The following SBNO2 variants were observed in gnomAD, a reference collection of about 807,000 sequenced individuals.
SBNO2 encodes the protein protein strawberry notch homolog 2.
A neutral mutation model predicts 146.3 loss-of-function variants in SBNO2; 89 were observed. The ratio of observed to expected loss-of-function variants is 0.61; its 90% CI spans 0.51 to 0.73. SBNO2 has a LOEUF of 0.73. Among genes scored for constraint, SBNO2 ranks in the 30% least tolerant of loss-of-function variants. SBNO2 has a pLI of 0.00. For missense variants in SBNO2, 2,092 were observed against 2,003.7 expected, an observed-to-expected ratio of 1.04 and a Z score of -0.84; for synonymous variants, 1,147 against 892.6, an observed-to-expected ratio of 1.29 and a Z score of -5.08.
At chr19:1,116,731 G>T in intron 16 of SBNO2, 98 bp downstream of exon 16, 1 of 1,087,424 alleles carries the variant, frequency 9.2e-7, no homozygotes, top group Non-Finnish European at 1.3e-6. Flanking sequence ...ACCTCCTGCT[G>T]CTGGGGCCAA....
chr19:1,123,735 G>A, intron 6 of SBNO2, 96 bp from the exon 7 acceptor site: 1 of 1,282,058 alleles, frequency 7.8e-7, no homozygotes, highest in Non-Finnish European at 1.1e-6. Flanking sequence ...ACCATGGGCA[G>A]CTGAGTGACC....
intron 1 of SBNO2, among the ~76,000 whole-genome samples, chr19:1,165,762 C>T (rs1470692167): frequency 6.6e-5 from 8 of 122,012 alleles, no homozygotes; most frequent in South Asian, 3.0e-4. Flanking sequence ...AGACCCCAGA[C>T]CCCAGATCTC....
intron 17 of SBNO2, 167 bp downstream of exon 17, chr19:1,115,854 G>A (rs553208785): frequency 3.1e-4 from 208 of 677,104 alleles, no homozygotes; most frequent in Non-Finnish European, 3.5e-5. Flanking sequence ...CAGGGTCCAC[G>A]CAAGACCTGC....
chr19:1,163,811 G>C (rs1165491459), intron 1 of SBNO2, among the ~76,000 whole-genome samples: 1 of 152,198 alleles, frequency 6.6e-6, no homozygotes, highest in Non-Finnish European at 1.5e-5. Flanking sequence ...GGCCCGGCAG[G>C]AGGGCAGGAG....
At chr19:1,171,749 C>T (rs771672148) in intron 1 of SBNO2, among the ~76,000 whole-genome samples, 23 of 150,608 alleles carry the variant, frequency 1.5e-4, no homozygotes, top group Non-Finnish European at 2.5e-4. Context: ...TGGGGGAGGC[C>T]TTAGGCAGCA....
rs945853025 is a variant in SBNO2 at position 1,109,403 on chromosome 19, G to A, written c.3237C>T (p.Ser1079=). 1.3e-6 allele frequency: 2 copies of A among 1,568,726 alleles called. No individual in the cohort carries two copies. Among genetic ancestry groups the A allele is most frequent in the Admixed American group, 3.8e-5 (2 of 52,926 alleles). Residue 1079 remains serine (S), a synonymous_variant, in exon 29 of 32, where the codon AGC becomes AGT. Transcript: ENST00000361757. This position sits in a 1 kb window ranked among gnomAD's most constrained non-coding sequence, Gnocchi z 4.2. ...LSYKVRGNKP[S]CLLAEQNRGQ... is the part of the protein sequence containing the mutation. ...CGCGGTTCTGCTCCGCCAGCAGGCA[G>A]CTGGGCTTGTTACCGCGGACCTGCG...
At chr19:1,151,275 C>A (rs2080239900) in intron 2 of SBNO2, among the ~76,000 whole-genome samples, 1 of 152,184 alleles carries the variant, frequency 6.6e-6, no homozygotes, top group Admixed American at 6.5e-5. Context: ...AGGGCCACGG[C>A]CAGGGAACTG....
At position 1,157,950 on chromosome 19, in the gene SBNO2, TCCGCCTC is replaced by T; in HGVS notation, c.-126-3555_-126-3549del. Among the ~76,000 whole-genome samples, 1 of 149,996 alleles carries T rather than the reference TCCGCCTC, an allele frequency of 6.7e-6. No individual in the cohort carries two copies. Among genetic ancestry groups the T allele is most frequent in the Middle Eastern group, 3.5e-3 (1 of 288 alleles). ...GCTCTCTCCTGAGTCCGGATAACTG[TCCGCCTC>T]CCAGCTCTCTCCTGAGTCCGGATAA... On this transcript the variant is annotated intron_variant, in intron 1 of 31. Transcript: ENST00000361757. The surrounding 1 kb of genome is among the most constrained non-coding windows in gnomAD (Gnocchi z 6.8).
At position 1,112,136 on chromosome 19, in the gene SBNO2, G is replaced by A; in HGVS notation, c.2628+53C>T. 6.2e-7 allele frequency: 1 copy of A among 1,600,944 alleles called. No homozygotes were observed. Among genetic ancestry groups the A allele is most frequent in the East Asian group, 2.2e-5 (1 of 44,466 alleles). On this transcript the variant is annotated intron_variant, in intron 22 of 31. Coordinates refer to ENST00000361757, the MANE Select transcript of SBNO2 (RefSeq NM_014963.3). This position sits in a 1 kb window ranked among gnomAD's most constrained non-coding sequence, Gnocchi z 5.9. ...GCCTCTAGCACCCCACAAAGCTTTG[G>A]AGAGCCTTCCTGGGCCTGTCCCTGG...
At chr19:1,125,975 CAG>C (rs1394049332) in intron 5 of SBNO2, among the ~76,000 whole-genome samples, 2 of 152,180 alleles carry the variant, frequency 1.3e-5, no homozygotes, top group African/African-American at 4.8e-5. Context: ...GCCTGGGCGA[CAG>C]AGTGAGATCC....
At chr19:1,160,388 G>C (rs1445026923) in intron 1 of SBNO2, among the ~76,000 whole-genome samples, 1 of 152,212 alleles carries the variant, frequency 6.6e-6, no homozygotes, top group Non-Finnish European at 1.5e-5. Flanking sequence ...CTGCGGGGCG[G>C]CCTCACAGGA....
At position 1,110,502 on chromosome 19, in the gene SBNO2, A is replaced by G. The variant is rs752346331; in HGVS notation, c.3028+243T>C. 1.3e-5 allele frequency among the ~76,000 whole-genome samples: 2 copies of G among 150,918 alleles called. No homozygotes were observed. Among genetic ancestry groups the G allele is most frequent in the Non-Finnish European group, 3.0e-5 (2 of 67,714 alleles). On this transcript the variant is annotated intron_variant, in intron 26 of 31. Transcript: ENST00000361757. The surrounding 1 kb of genome is among the most constrained non-coding windows in gnomAD (Gnocchi z 4.9). Reference sequence around the variant, plus strand: ...TGGCGCTTCCACGAGCCCCTTGCCCACCTAGGCCCTCGCCGTGCTCACCCA... The same window carrying G: ...TGGCGCTTCCACGAGCCCCTTGCCCGCCTAGGCCCTCGCCGTGCTCACCCA...
At chr19:1,154,655 G>T (rs1370798849) in intron 1 of SBNO2, among the ~76,000 whole-genome samples, 1 of 152,214 alleles carries the variant, frequency 6.6e-6, no homozygotes, top group Admixed American at 6.5e-5. Flanking sequence ...GATTAAGGTG[G>T]GCCCGACAGG....
At position 1,111,923 on chromosome 19, in the gene SBNO2, C is replaced by CA. The variant is rs2079766335; in HGVS notation, c.2700+72dup. 34 of 1,380,062 alleles carry CA rather than the reference C, an allele frequency of 2.5e-5. No homozygotes were observed. In the South Asian group the frequency reaches 4.3e-4, roughly 17 times the overall value. 85.5% of individuals were successfully genotyped at this position (1,380,062 alleles called of 1,614,324 possible). On this transcript the variant is annotated intron_variant, in intron 23 of 31. Coordinates refer to ENST00000361757, the MANE Select transcript of SBNO2 (RefSeq NM_014963.3). ...TCCAGCCCCCATCTACCCCCTCCCC[C>CA]AGGCTCTTAGATCCGGCCCTCCCTA...
chr19:1,132,356 G>A (rs931962428), intron 4 of SBNO2: 15 of 1,187,298 alleles, frequency 1.3e-5, no homozygotes, highest in African/African-American at 1.6e-5. Flanking sequence ...CGTAAGTCAG[G>A]GCAATTACCG....
chr19:1,112,495 G>A lies in SBNO2; in HGVS notation c.2422C>T (p.Leu808Phe). The A allele has an allele frequency of 3.1e-6, 5 of 1,606,318 alleles. No homozygotes were observed. The highest frequency in any genetic ancestry group is 2.2e-5 in the East Asian group (1 of 44,778). The part of the protein sequence containing the change: ...ISEASSSGVS[L>F]QADRRVQNQR... The stretch of plus-strand genomic sequence containing the variant: ...TTCTGGACACGGCGGTCGGCTTGGA[G>A]GGAGACACCCGAGCTGGAGGCCTCC... The change falls in exon 21 of 32, where the codon CTC becomes TTC. Residue 808 changes from leucine to phenylalanine, a missense_variant. By Grantham distance (22) the Leu-to-Phe change is conservative (BLOSUM62 0). Coordinates refer to ENST00000361757, the MANE Select transcript of SBNO2 (RefSeq NM_014963.3). This position sits in a 1 kb window ranked among gnomAD's most constrained non-coding sequence, Gnocchi z 5.9.
chr19:1,109,404 C>T lies in SBNO2; in HGVS notation c.3236G>A (p.Ser1079Asn). The part of the protein sequence containing the change: ...LSYKVRGNKP[S>N]CLLAEQNRGQ... ...GCGGTTCTGCTCCGCCAGCAGGCAG[C>T]TGGGCTTGTTACCGCGGACCTGCGG... Residue 1079 changes from serine to asparagine, a missense_variant, in exon 29 of 32, where the codon AGC becomes AAC. Ser to Asn is a conservative substitution (Grantham distance 46). Transcript: ENST00000361757. This position sits in a 1 kb window ranked among gnomAD's most constrained non-coding sequence, Gnocchi z 4.2. The T allele has an allele frequency of 6.4e-7, 1 of 1,568,586 alleles. No homozygotes were observed. The highest frequency in any genetic ancestry group is 8.6e-7 in the Non-Finnish European group (1 of 1,157,786).
At chr19:1,128,244 G>A (rs1341001794) in intron 4 of SBNO2, 2 of 495,546 alleles carry the variant, frequency 4.0e-6, no homozygotes, top group Non-Finnish European at 4.0e-6. Context: ...AATGCTGCAG[G>A]AACTCTGAGC....
intron 4 of SBNO2, among the ~76,000 whole-genome samples, chr19:1,133,198 C>T (rs2080050871): frequency 6.6e-6 from 1 of 152,112 alleles, no homozygotes; most frequent in Non-Finnish European, 1.5e-5. Context: ...CAGCGACTGA[C>T]GGGGCAGAGG....
Sources: allele counts gnomAD v4.1 joint callset (sites outside exome capture counted in the v4.1 genomes callset), GRCh38; gene constraint gnomAD v4.1.1; non-coding constraint Gnocchi (gnomAD v3.1); transcripts MANE v1.5; gene names NCBI Gene and HGNC (gene_info 2026-07-23, HGNC 2026-07-21).